Variants in SMAP1 observed in about 807,000 individuals in gnomAD.
The protein encoded by SMAP1 is stromal membrane-associated protein 1.
In SMAP1, 24 loss-of-function variants were observed where a neutral mutation model predicts 58.5. The observed-to-expected ratio is 0.41, with a 90% CI of 0.30 to 0.58. The LOEUF (loss-of-function observed/expected upper bound fraction) is 0.58. SMAP1 is among the 20% of genes least tolerant of loss of function. SMAP1 has a pLI of 0.29. For missense variants in SMAP1, 563 were observed against 566.3 expected, an observed-to-expected ratio of 0.99 and a Z score of 0.06; for synonymous variants, 216 against 196.6, an observed-to-expected ratio of 1.10 and a Z score of -0.82.
chr6:70,816,754 A>C (rs1056322213), intron 6 of SMAP1, among the ~76,000 whole-genome samples: 1 of 152,220 alleles, frequency 6.6e-6, no homozygotes, highest in Non-Finnish European at 1.5e-5. Context: ...AGTAGTTGTC[A>C]CTACCACTGC....
intron 1 of SMAP1, among the ~76,000 whole-genome samples, chr6:70,696,201 AAAC>A (rs1767398269): frequency 6.6e-6 from 1 of 152,084 alleles, no homozygotes; most frequent in Non-Finnish European, 1.5e-5. Context: ...TTTTCAAAAA[AAAC>A]AGCATTTTGT....
At chr6:70,857,772 T>C (rs1293033671) in intron 9 of SMAP1, 150 bp from the exon 10 acceptor site, 8 of 684,092 alleles carry the variant, frequency 1.2e-5, no homozygotes, top group African/African-American at 1.8e-5. Context: ...AGGGTTTAGG[T>C]GTGGGTTGGT....
Position 70,856,900 on chromosome 6 carries a change from A to G in SMAP1, c.831A>G (p.Val277=). ...SAPAAATLST[V]TSGDLDLFTE... is the part of the protein sequence containing the mutation. ...CAGCAGCTGCAACCCTGTCTACAGT[A>G]ACATCTGGGGATCTAGATTTATTCA... The change falls in exon 9 of 11, where the codon GTA becomes GTG. Residue 277 remains valine, a synonymous_variant. Coordinates refer to ENST00000370455, the MANE Select transcript of SMAP1 (RefSeq NM_001044305.3). The G allele has an allele frequency of 6.2e-7, 1 of 1,613,826 alleles. No individual in the cohort carries two copies. Among genetic ancestry groups the G allele is most frequent in the South Asian group, 1.1e-5 (1 of 91,038 alleles).
chr6:70,730,432 G>A (rs1765384067), intron 1 of SMAP1, among the ~76,000 whole-genome samples: 1 of 152,186 alleles, frequency 6.6e-6, no homozygotes, highest in Admixed American at 6.5e-5. Context: ...CTATTGCTCT[G>A]TAACTATTTA....
intron 1 of SMAP1, among the ~76,000 whole-genome samples, chr6:70,701,590 C>T (rs1767629361): frequency 6.6e-6 from 1 of 152,142 alleles, no homozygotes; most frequent in Non-Finnish European, 1.5e-5. Context: ...AAAGTTCCTT[C>T]CTTGGGCCCC....
At chr6:70,741,084 G>A (rs1161110263) in intron 2 of SMAP1, among the ~76,000 whole-genome samples, 5 of 152,036 alleles carry the variant, frequency 3.3e-5, no homozygotes, top group African/African-American at 1.2e-4. Flanking sequence ...ATTTGCGTGG[G>A]GACACAGCCA....
intron 1 of SMAP1, among the ~76,000 whole-genome samples, chr6:70,688,420 A>G (rs1388053191): frequency 6.6e-6 from 1 of 152,204 alleles, no homozygotes; most frequent in Non-Finnish European, 1.5e-5. Flanking sequence ...ACATCTACTA[A>G]TGATGTGAGC....
intron 1 of SMAP1, among the ~76,000 whole-genome samples, chr6:70,700,855 C>A (rs571035706): frequency 2.6e-5 from 4 of 152,268 alleles, no homozygotes; most frequent in African/African-American, 9.6e-5. Flanking sequence ...GGTAATGGAT[C>A]CTGCCAGAAC....
At chr6:70,695,053 C>T (rs1216216795) in intron 1 of SMAP1, among the ~76,000 whole-genome samples, 2 of 152,054 alleles carry the variant, frequency 1.3e-5, no homozygotes, top group East Asian at 3.9e-4. Flanking sequence ...TTGTAGCTGT[C>T]GTAATGGGAT....
intron 3 of SMAP1, among the ~76,000 whole-genome samples, chr6:70,769,824 G>A (rs1767191265): frequency 6.6e-6 from 1 of 152,196 alleles, no homozygotes; most frequent in Non-Finnish European, 1.5e-5. Flanking sequence ...TTGCTCGTTA[G>A]TTGATGCAGT....
At chr6:70,755,102 A>G in intron 3 of SMAP1, 37 bp downstream of exon 3, 2 of 1,469,042 alleles carry the variant, frequency 1.4e-6, no homozygotes, top group South Asian at 2.4e-5. Flanking sequence ...AGTTTAAAAA[A>G]CATTAACTCA....
chr6:70,777,482 G>A (rs771050363), intron 4 of SMAP1, among the ~76,000 whole-genome samples: 1 of 151,944 alleles, frequency 6.6e-6, no homozygotes. Context: ...CGAGTTGTTC[G>A]AGTTCCTTGT....
rs570381700 is a variant in SMAP1, at chr6:70,735,646, G to A, written c.252+3135G>A. On this transcript the variant is annotated intron_variant, in intron 2 of 10. Coordinates refer to ENST00000370455, the MANE Select transcript of SMAP1 (RefSeq NM_001044305.3). The stretch of plus-strand genomic sequence containing the variant: ...TAGCAGGGTGTGGTAACACACACCC[G>A]TAGTCCCAGCTACTCTGGAAAGTGA... Among the ~76,000 whole-genome samples, 19 of 152,224 alleles carry A rather than the reference G, an allele frequency of 1.2e-4. No homozygotes were observed. The South Asian group carries it at 2.1e-3, about 17-fold the overall frequency.
rs191731357 is a variant in SMAP1 at position 70,796,064 on chromosome 6, A to G, written c.496-2593A>G. ...CATATTAATGAAAATGTTCTGTCAC[A>G]TTGCTTTCTGCACCATAGTTTACTA... On this transcript the variant is annotated intron_variant, in intron 5 of 10. Transcript: ENST00000370455. Among the ~76,000 whole-genome samples the G allele has an allele frequency of 1.4e-4, 21 of 152,264 alleles. 1 individual carries two copies. In the East Asian group the frequency reaches 3.5e-3, roughly 25 times the overall value.
At chr6:70,730,484 A>G (rs879403656) in intron 1 of SMAP1, among the ~76,000 whole-genome samples, 4 of 152,236 alleles carry the variant, frequency 2.6e-5, no homozygotes, top group Admixed American at 6.5e-5. Flanking sequence ...AACGTTGTAA[A>G]TTGTTGTGTT....
At chr6:70,850,752 T>C (rs1434823568) in intron 7 of SMAP1, among the ~76,000 whole-genome samples, 1 of 151,880 alleles carries the variant, frequency 6.6e-6, no homozygotes, top group Non-Finnish European at 1.5e-5. Context: ...AAAAAGATAT[T>C]CCTTAGTTGT....
At chr6:70,727,584 C>T (rs188087395) in intron 1 of SMAP1, among the ~76,000 whole-genome samples, 34 of 152,288 alleles carry the variant, frequency 2.2e-4, no homozygotes, top group Admixed American at 1.8e-3. Flanking sequence ...TTGTCATCTT[C>T]GTTTAATACT....
At chr6:70,834,888 A>G (rs940312801) in intron 6 of SMAP1, among the ~76,000 whole-genome samples, 2 of 152,212 alleles carry the variant, frequency 1.3e-5, no homozygotes, top group African/African-American at 2.4e-5. Context: ...AGAATGTGAA[A>G]TGGATTATGT....
At chr6:70,851,113 A>G (rs1326953201) in intron 7 of SMAP1, among the ~76,000 whole-genome samples, 1 of 152,182 alleles carries the variant, frequency 6.6e-6, no homozygotes, top group Non-Finnish European at 1.5e-5. Context: ...AATGGTTGTG[A>G]TAATGTGATA....
Sources: gnomAD v4.1 joint callset for allele counts (sites outside exome capture counted in the v4.1 genomes callset) on GRCh38, gnomAD v4.1.1 for gene constraint, MANE v1.5 for transcripts, NCBI Gene and HGNC (gene_info 2026-07-23, HGNC 2026-07-21) for gene names.